CHST7: variants seen among roughly 807,000 people sequenced by gnomAD.
The protein encoded by CHST7 is N-acetylglucosamine 6-O-sulfotransferase 4.
CHST7 carries 5 observed loss-of-function variants against 9.0 expected under a neutral mutation model. The ratio of observed to expected loss-of-function variants is 0.56; its 90% CI spans 0.29 to 1.17. The LOEUF (loss-of-function observed/expected upper bound fraction) is 1.17, where lower values mean the gene tolerates loss of function less well. CHST7 is among the 50% of genes most tolerant of loss of function. The pLI, the probability that CHST7 is intolerant of heterozygous loss-of-function variation, is 0.08. For synonymous variants in CHST7, 244 were observed against 237.1 expected (o/e 1.03, Z -0.27); for missense variants, 377 against 485.1 (o/e 0.78, Z 2.09).
intron 1 of CHST7, among the ~76,000 whole-genome samples, chrX:46,586,157 G>A (rs1383428180): frequency 8.9e-6 from 1 of 111,828 alleles, no homozygotes; most frequent in Non-Finnish European, 1.9e-5. Context: ...TGGCCTCCAC[G>A]ATCCAATGTC....
At position 46,575,154 on chromosome X, in the gene CHST7, T is replaced by G; in HGVS notation, c.1223T>G (p.Met408Arg). 1.8e-6 allele frequency: 2 copies of G among 1,095,951 alleles called. No individual in the cohort carries two copies. The highest frequency in any genetic ancestry group is 3.6e-5 in the Admixed American group (1 of 27,828). The allele number at this position is 1,095,951 out of a possible 1,213,427, so 90.3% of individuals were successfully genotyped here. A position where few individuals can be genotyped will look rare whatever the true frequency, so the allele number is the denominator to read the frequency against. ...GCGCTCGATGCCTTCGCGCTCAACA[T>G]GACTCGCGGCGCGGCCTACGGCGCC... ...LAALDAFALNMTRGAAYGADR... is the reference protein window; with the variant it reads ...LAALDAFALNRTRGAAYGADR... Residue 408 changes from methionine (M) to arginine (R), a missense_variant, in exon 1 of 2, where the codon ATG becomes AGG. Physicochemically the swap from Met to Arg is moderately conservative, Grantham distance 91. Around this residue, in one of 3 missense-constraint regions of CHST7, gnomAD observed 130 missense variants for 134.9 expected, o/e 0.96. Transcript: ENST00000276055.
chrX:46,579,875 C>T (rs375792135), intron 1 of CHST7, among the ~76,000 whole-genome samples: 1 of 109,967 alleles, frequency 9.1e-6, no homozygotes. Context: ...ATCTGTAGTC[C>T]CAGCTACTTG....
At chrX:46,576,086 T>A (rs1942498017) in intron 1 of CHST7, among the ~76,000 whole-genome samples, 1 of 110,823 alleles carries the variant, frequency 9.0e-6, no homozygotes, top group African/African-American at 3.3e-5. Flanking sequence ...CAGGCGCTTG[T>A]GTAGTGAATA....
intron 1 of CHST7, among the ~76,000 whole-genome samples, chrX:46,592,520 AC>A (rs1424456062): frequency 9.0e-6 from 1 of 111,259 alleles, no homozygotes. Flanking sequence ...TCGTCACCAC[AC>A]CCGGCTAATT....
At position 46,574,393 on chromosome X, in the gene CHST7, C is replaced by T. The variant is rs1329483013; in HGVS notation, c.462C>T (p.Arg154=). 3 of 1,206,986 alleles carry T rather than the reference C, an allele frequency of 2.5e-6. No homozygotes were observed. Among genetic ancestry groups the T allele is most frequent in the Non-Finnish European group, 2.2e-6 (2 of 895,017 alleles). The change falls in exon 1 of 2, where the codon CGC becomes CGT. Residue 154 remains arginine, a synonymous_variant. Coordinates refer to ENST00000276055, the MANE Select transcript of CHST7 (RefSeq NM_019886.4). ...CCGAGAGCTTGCAGGGCGCGCTGCGCGACATGCTGCGTTCGCTCTTCCGCT... is the reference window on the plus strand; with the variant it reads ...CCGAGAGCTTGCAGGGCGCGCTGCGTGACATGCTGCGTTCGCTCTTCCGCT... The part of the protein sequence containing the change: ...GDAESLQGAL[R]DMLRSLFRCD...
intron 1 of CHST7, among the ~76,000 whole-genome samples, chrX:46,583,750 C>T (rs1942535798): frequency 8.9e-6 from 1 of 112,127 alleles, no homozygotes; most frequent in Non-Finnish European, 1.9e-5. Flanking sequence ...AGTCCTCTCT[C>T]CTGGCTATTT....
intron 1 of CHST7, among the ~76,000 whole-genome samples, chrX:46,581,495 G>A (rs1942525374): frequency 1.9e-5 from 2 of 108,081 alleles, no homozygotes; most frequent in South Asian, 8.2e-4. Flanking sequence ...GGCAGAGGTT[G>A]CAGTGAGCTG....
At chrX:46,590,254 A>AT (rs11369586) in intron 1 of CHST7, among the ~76,000 whole-genome samples, 28,700 of 102,546 alleles carry the variant, frequency 0.28, 3,881 homozygotes, top group East Asian at 0.54. Flanking sequence ...ACAATGACAG[A>AT]TTTTTTTTTT....
chrX:46,598,324 AAC>A lies in CHST7; in HGVS notation c.*601_*602del, dbSNP rs924082752. 1.8e-5 allele frequency: 2 copies of A among 112,248 alleles called. No individual in the cohort carries two copies. The highest frequency in any genetic ancestry group is 9.4e-5 in the Admixed American group (1 of 10,608). 9.3% of individuals were successfully genotyped at this position (112,248 alleles called of 1,213,427 possible). ...GGCTGGGAAAACCCTAATGAACTGA[AAC>A]ACACTTTTACTTTAAAATTTTTCTG... On this transcript the variant is annotated 3_prime_UTR_variant, in exon 2 of 2. Coordinates refer to ENST00000276055, the MANE Select transcript of CHST7 (RefSeq NM_019886.4).
rs1199585379 is a variant in CHST7, at chrX:46,588,821, C to G, written c.*32-8939C>G. Among the ~76,000 whole-genome samples the G allele has an allele frequency of 2.7e-5, 3 of 110,186 alleles. No individual in the cohort carries two copies. In the South Asian group the frequency reaches 1.1e-3, roughly 41 times the overall value. On this transcript the variant is annotated intron_variant, in intron 1 of 1. Coordinates refer to ENST00000276055, the MANE Select transcript of CHST7 (RefSeq NM_019886.4). ...TGTCACTTTTTTTTTTTACAAAAAA[C>G]CTTTTATGCGTGCTTTTCAAAACAA...
intron 1 of CHST7, among the ~76,000 whole-genome samples, chrX:46,582,771 G>A (rs939816795): frequency 5.4e-5 from 6 of 111,209 alleles, no homozygotes; most frequent in East Asian, 2.8e-4. Flanking sequence ...TTACTGACTC[G>A]AGCATAAACA....
chrX:46,584,777 A>T (rs1291970013), intron 1 of CHST7, among the ~76,000 whole-genome samples: 1 of 111,502 alleles, frequency 9.0e-6, no homozygotes, highest in Non-Finnish European at 1.9e-5. Context: ...TTTGTAAGGC[A>T]TGGGGAGTGC....
At position 46,598,403 on chromosome X, in the gene CHST7, A is replaced by C. The variant is rs1942609270; in HGVS notation, c.*675A>C. 8.9e-6 allele frequency: 1 copy of C among 112,680 alleles called. No individual in the cohort carries two copies. Among genetic ancestry groups the C allele is most frequent in the Non-Finnish European group, 1.9e-5 (1 of 53,356 alleles). The allele number at this position is 112,680 out of a possible 1,213,427, so 9.3% of individuals were successfully genotyped here. On this transcript the variant is annotated 3_prime_UTR_variant, in exon 2 of 2. Transcript: ENST00000276055. ...AAATGACTCTGGAGTCATGTTAATGACAGGATTTGTTTTGTTTGGATGCAG... is the reference window on the plus strand; with the variant it reads ...AAATGACTCTGGAGTCATGTTAATGCCAGGATTTGTTTTGTTTGGATGCAG...
intron 1 of CHST7, among the ~76,000 whole-genome samples, chrX:46,595,691 A>G (rs149215613): frequency 0.029 from 3,223 of 111,494 alleles, 40 homozygotes; most frequent in Non-Finnish European, 0.044. Flanking sequence ...TCAGGGTCAT[A>G]GTATTCCTCA....
chrX:46,583,579 A>G (rs951538726), intron 1 of CHST7, among the ~76,000 whole-genome samples: 29 of 112,271 alleles, frequency 2.6e-4, no homozygotes, highest in African/African-American at 9.4e-4. Context: ...GCATCAGCTG[A>G]TGATGAATAT....
intron 1 of CHST7, among the ~76,000 whole-genome samples, chrX:46,580,348 G>A (rs1471748495): frequency 3.6e-5 from 4 of 111,499 alleles, no homozygotes; most frequent in Non-Finnish European, 3.8e-5. Flanking sequence ...GTGAGCTACC[G>A]TGCCCAGCCC....
intron 1 of CHST7, among the ~76,000 whole-genome samples, chrX:46,586,901 A>T (rs1386573270): frequency 9.1e-6 from 1 of 110,283 alleles, no homozygotes; most frequent in African/African-American, 3.3e-5. Context: ...ACACCCAGCT[A>T]ATTTTGTGTT....
intron 1 of CHST7, among the ~76,000 whole-genome samples, chrX:46,576,727 G>A (rs1043674067): frequency 8.9e-6 from 1 of 112,225 alleles, no homozygotes; most frequent in African/African-American, 3.2e-5. Context: ...ATTTTATAGT[G>A]TAATTCAGCA....
At position 46,575,218 on chromosome X, in the gene CHST7, G is replaced by A; in HGVS notation, c.1287G>A (p.Glu429=). Residue 429 remains glutamate, a synonymous_variant, in exon 1 of 2, where the codon GAG becomes GAA. Coordinates refer to ENST00000276055, the MANE Select transcript of CHST7 (RefSeq NM_019886.4). ...PFHLSARDAR[E]AVHAWRERLS... Reference sequence around the variant, plus strand: ...ACCTGTCAGCGCGCGACGCCCGGGAGGCGGTGCACGCCTGGCGCGAGCGCC... The same window carrying A: ...ACCTGTCAGCGCGCGACGCCCGGGAAGCGGTGCACGCCTGGCGCGAGCGCC... The A allele has an allele frequency of 1.8e-6, 2 of 1,103,344 alleles. No individual in the cohort carries two copies. The highest frequency in any genetic ancestry group is 2.4e-6 in the Non-Finnish European group (2 of 850,668). 90.9% of individuals were successfully genotyped at this position (1,103,344 alleles called of 1,213,427 possible).
Sources: allele counts gnomAD v4.1 joint callset (sites outside exome capture counted in the v4.1 genomes callset), GRCh38; gene constraint gnomAD v4.1.1; regional missense constraint gnomAD v4.1.1; transcripts MANE v1.5; gene names NCBI Gene and HGNC (gene_info 2026-07-23, HGNC 2026-07-21).